Variants in NINJ2 observed in about 807,000 individuals in gnomAD.
The protein encoded by NINJ2 is ninjurin 2.
A neutral mutation model predicts 11.7 loss-of-function variants in NINJ2; 12 were observed. The observed-to-expected ratio is 1.02, with a 90% CI of 0.66 to 1.66. NINJ2 has a LOEUF of 1.66. Among genes scored for constraint, NINJ2 ranks in the 40% most tolerant of loss-of-function variants. NINJ2 has a pLI of 0.00. For missense variants in NINJ2, 187 were observed against 181.8 expected, an observed-to-expected ratio of 1.03 and a Z score of -0.16; for synonymous variants, 93 against 76.8, an observed-to-expected ratio of 1.21 and a Z score of -1.10.
intron 1 of NINJ2, among the ~76,000 whole-genome samples, chr12:637,761 C>T (rs1464718287): frequency 6.6e-6 from 1 of 152,116 alleles, no homozygotes; most frequent in African/African-American, 2.4e-5. Flanking sequence ...CAACCCAATT[C>T]CCTGTGGCAA....
intron 1 of NINJ2, among the ~76,000 whole-genome samples, chr12:610,987 A>G (rs1157013940): frequency 6.6e-6 from 1 of 152,142 alleles, no homozygotes; most frequent in East Asian, 1.9e-4. Context: ...CACTTGCCTC[A>G]ACCTCCCAAA....
chr12:586,804 G>A (rs546401297), intron 1 of NINJ2, among the ~76,000 whole-genome samples: 2 of 152,260 alleles, frequency 1.3e-5, no homozygotes, highest in South Asian at 4.1e-4. Flanking sequence ...TGACTGGATC[G>A]TAGGGATCCA....
chr12:569,768 T>G (rs1947351601), intron 1 of NINJ2, among the ~76,000 whole-genome samples: 1 of 152,202 alleles, frequency 6.6e-6, no homozygotes, highest in South Asian at 2.1e-4. Flanking sequence ...GTTACATTAA[T>G]CTGAGAGCCA....
intron 1 of NINJ2, among the ~76,000 whole-genome samples, chr12:631,463 A>C (rs1403999394): frequency 6.6e-6 from 1 of 152,200 alleles, no homozygotes; most frequent in Non-Finnish European, 1.5e-5. Flanking sequence ...TCCCGGGCTC[A>C]AGCGATTCTG....
At chr12:578,165 A>C (rs2535428) in intron 1 of NINJ2, among the ~76,000 whole-genome samples, 80,003 of 151,840 alleles carry the variant, frequency 0.53, 21,558 homozygotes, top group East Asian at 0.64. Context: ...GTACCCCCTG[A>C]TTACTCAATC....
In NINJ2 at chr12:628,308, G is replaced by A. The variant is rs913586581; in HGVS notation, c.33+35020C>T. 6.6e-6 allele frequency among the ~76,000 whole-genome samples: 1 copy of A among 151,962 alleles called. No homozygotes were observed. The highest frequency in any genetic ancestry group is 1.5e-5 in the Non-Finnish European group (1 of 67,952). ...ATCTCTATGAGGAGTCTTCCTAGAG[G>A]GGAAGGGGGAAGCCTCCTCATAGAG... On this transcript the variant is annotated intron_variant, in intron 1 of 3. Coordinates refer to ENST00000305108, the MANE Select transcript of NINJ2 (RefSeq NM_016533.6). The surrounding 1 kb of genome is among the most constrained non-coding windows in gnomAD (Gnocchi z 4.4).
rs1303007766 is a variant in NINJ2 at position 581,534 on chromosome 12, CCGGGG to C, written c.34-15361_34-15357del. ...AGCAGGTCCAGCCTGGATCCTCATA[CCGGGG>C]CTCTCCTGTCCTTCCTCAGGATTCG... On this transcript the variant is annotated intron_variant, in intron 1 of 3. Transcript: ENST00000305108. This position sits in a 1 kb window ranked among gnomAD's most constrained non-coding sequence, Gnocchi z 4.9. Among the ~76,000 whole-genome samples the C allele has an allele frequency of 1.3e-5, 2 of 152,194 alleles. No homozygotes were observed. The highest frequency in any genetic ancestry group is 6.5e-5 in the Admixed American group (1 of 15,282).
rs977167501 is a variant in NINJ2 at position 591,894 on chromosome 12, T to A, written c.34-25716A>T. ...CAGGTATGGTGTGTGACTTAACTAG[T>A]CAATTTTGAGCAAACAGAGGCCCCC... On this transcript the variant is annotated intron_variant, in intron 1 of 3. Coordinates refer to ENST00000305108, the MANE Select transcript of NINJ2 (RefSeq NM_016533.6). The surrounding 1 kb of genome is among the most constrained non-coding windows in gnomAD (Gnocchi z 5.0). 3.3e-5 allele frequency among the ~76,000 whole-genome samples: 5 copies of A among 152,070 alleles called. No individual in the cohort carries two copies. Among genetic ancestry groups the A allele is most frequent in the African/African-American group, 1.2e-4 (5 of 41,406 alleles).
intron 1 of NINJ2, among the ~76,000 whole-genome samples, chr12:587,755 A>T (rs573034692): frequency 6.6e-6 from 1 of 152,330 alleles, no homozygotes; most frequent in Admixed American, 6.5e-5. Flanking sequence ...TGTAGAGCAG[A>T]TTGAACACCC....
At chr12:650,820 T>C (rs971444197) in intron 1 of NINJ2, among the ~76,000 whole-genome samples, 2 of 152,336 alleles carry the variant, frequency 1.3e-5, no homozygotes, top group African/African-American at 2.4e-5. Context: ...TTAGCCACTC[T>C]ATCCTAACGA....
intron 1 of NINJ2, among the ~76,000 whole-genome samples, chr12:593,484 G>A (rs1173077493): frequency 6.6e-6 from 1 of 152,208 alleles, no homozygotes. Flanking sequence ...GTGGGACGCT[G>A]AGGTAGGAGG....
chr12:659,850 C>T (rs1190362215), intron 1 of NINJ2, among the ~76,000 whole-genome samples: 1 of 152,184 alleles, frequency 6.6e-6, no homozygotes, highest in Non-Finnish European at 1.5e-5. Context: ...ATCCATGTCA[C>T]CCAGGGCTGC....
intron 1 of NINJ2, among the ~76,000 whole-genome samples, chr12:650,043 C>G (rs1167256143): frequency 6.6e-6 from 1 of 151,400 alleles, no homozygotes; most frequent in Non-Finnish European, 1.5e-5. Flanking sequence ...CAACTTCGAT[C>G]ATTTTCTTAG....
chr12:577,426 TATAC>T (rs1451203417), intron 1 of NINJ2, among the ~76,000 whole-genome samples: 7 of 136,536 alleles, frequency 5.1e-5, no homozygotes, highest in East Asian at 2.0e-4. Context: ...CATATATATA[TATAC>T]ATATATATAT....
intron 1 of NINJ2, chr12:644,915 A>G (rs1937652338): frequency 6.6e-6 from 1 of 152,294 alleles, no homozygotes; most frequent in Admixed American, 6.5e-5. Context: ...GCTGGGAACC[A>G]CTGAGAGAAG....
In NINJ2 at chr12:599,394, G is replaced by A. The variant is rs368182819; in HGVS notation, c.34-33216C>T. 1.4e-4 allele frequency among the ~76,000 whole-genome samples: 21 copies of A among 152,072 alleles called. No homozygotes were observed. The South Asian group carries it at 3.5e-3, about 26-fold the overall frequency. On this transcript the variant is annotated intron_variant, in intron 1 of 3. Coordinates refer to ENST00000305108, the MANE Select transcript of NINJ2 (RefSeq NM_016533.6). ...TCTCAAAAAAAGTATTCCTCCCCCC[G>A]CCCCAGTTAATTTGTCAGTGGATAA...
chr12:652,083 G>A (rs1261250048), intron 1 of NINJ2, among the ~76,000 whole-genome samples: 3 of 151,928 alleles, frequency 2.0e-5, no homozygotes. Context: ...CCAAATTATA[G>A]ATACAGGAAA....
rs965583697 is a variant in NINJ2 at position 633,364 on chromosome 12, G to A, written c.33+29964C>T. ...AATACAAAAATTAGCCAGACATGGT[G>A]GCACGTGCCTGTAATCCCAGCTACC... On this transcript the variant is annotated intron_variant, in intron 1 of 3. Coordinates refer to ENST00000305108, the MANE Select transcript of NINJ2 (RefSeq NM_016533.6). The surrounding 1 kb of genome is among the most constrained non-coding windows in gnomAD (Gnocchi z 4.3). Among the ~76,000 whole-genome samples, 3 of 152,152 alleles carry A rather than the reference G, an allele frequency of 2.0e-5. No individual in the cohort carries two copies. In the East Asian group the frequency reaches 5.8e-4, roughly 29 times the overall value.
At chr12:569,007 T>C (rs1947341396) in intron 1 of NINJ2, among the ~76,000 whole-genome samples, 1 of 151,864 alleles carries the variant, frequency 6.6e-6, no homozygotes, top group Non-Finnish European at 1.5e-5. Context: ...AAAAAGGCCA[T>C]AGGCACGAAA....
Sources: gnomAD v4.1 joint callset for allele counts (sites outside exome capture counted in the v4.1 genomes callset) on GRCh38, gnomAD v4.1.1 for gene constraint, Gnocchi (gnomAD v3.1) non-coding constraint, MANE v1.5 for transcripts, NCBI Gene and HGNC (gene_info 2026-07-23, HGNC 2026-07-21) for gene names.